The following LYPD4 variants were observed in gnomAD, a reference collection of about 807,000 sequenced individuals.
LYPD4 encodes the protein LY6/PLAUR domain containing 4.
In LYPD4, 20 loss-of-function variants were observed where a neutral mutation model predicts 18.2. That is an observed-to-expected ratio of 1.10 (90% CI 0.77 to 1.59). The LOEUF is 1.59. Among genes scored for constraint, LYPD4 ranks in the 40% most tolerant of loss-of-function variants. The pLI is 0.00. For synonymous variants in LYPD4, 111 were observed against 118.3 expected, an observed-to-expected ratio of 0.94 and a Z score of 0.40; for missense variants, 278 against 300.3, an observed-to-expected ratio of 0.93 and a Z score of 0.55.
chr19:41,836,737 A>G (rs1413689705), downstream of LYPD4, among the ~76,000 whole-genome samples: 5 of 151,682 alleles, frequency 3.3e-5, no homozygotes, highest in East Asian at 1.9e-4. Flanking sequence ...CCCATGTCAA[A>G]AAAAGGAAAA....
rs1183040654 is a variant in LYPD4, at chr19:41,838,046, G to A, written c.427C>T (p.Pro143Ser). Residue 143 changes from proline (P) to serine (S), a missense_variant, in exon 4 of 5, where the codon CCG becomes TCG. Physicochemically the swap from Pro to Ser is moderately conservative, Grantham distance 74 (BLOSUM62 -1). Transcript: ENST00000609812. ...KSITSASCSC[P>S]TCVGEHMKDC... ...TTCATGTGCTCGCCCACACAGGTCGGGCAGCTACAGGACGCAGATGTGATA... is the reference window on the plus strand; with the variant it reads ...TTCATGTGCTCGCCCACACAGGTCGAGCAGCTACAGGACGCAGATGTGATA... 6.8e-6 allele frequency: 11 copies of A among 1,614,156 alleles called. No homozygotes were observed. The highest frequency in any genetic ancestry group is 9.3e-6 in the Non-Finnish European group (11 of 1,180,022).
rs546743216 is a variant in LYPD4 at position 41,843,727 on chromosome 19, G to A, written c.-270C>T. On this transcript the variant is annotated 5_prime_UTR_variant, in exon 1 of 5. Coordinates refer to ENST00000609812, the MANE Select transcript of LYPD4 (RefSeq NM_173506.7). Reference sequence around the variant, plus strand: ...GAAAGGTGCCAAGACCCGCAGAAAAGCTGGGACACAGGAAAGAGAAACGAA... The same window carrying A: ...GAAAGGTGCCAAGACCCGCAGAAAAACTGGGACACAGGAAAGAGAAACGAA... The A allele has an allele frequency of 6.6e-6, 1 of 152,144 alleles. No homozygotes were observed. Among genetic ancestry groups the A allele is most frequent in the East Asian group, 1.9e-4 (1 of 5,182 alleles). The allele number at this position is 152,144 out of a possible 1,614,324, so 9.4% of individuals were successfully genotyped here. A position where few individuals can be genotyped will look rare whatever the true frequency, so the allele number is the denominator to read the frequency against.
At chr19:41,836,327 A>AAAAAAAAAAAAG (rs2073373758), downstream of LYPD4, among the ~76,000 whole-genome samples, 1 of 131,548 alleles carries the variant, frequency 7.6e-6, no homozygotes, top group African/African-American at 2.9e-5. Flanking sequence ...AAAAAAAAAA[A>AAAAAAAAAAAAG]CAACTACTGA....
downstream of LYPD4, among the ~76,000 whole-genome samples, chr19:41,836,737 A>T (rs1413689705): frequency 4.6e-5 from 7 of 151,682 alleles, no homozygotes; most frequent in Non-Finnish European, 8.8e-5. Flanking sequence ...CCCATGTCAA[A>T]AAAAGGAAAA....
At position 41,838,153 on chromosome 19, in the gene LYPD4, C is replaced by A. The variant is rs782449407; in HGVS notation, c.320G>T (p.Ser107Ile). The A allele has an allele frequency of 4.1e-5, 66 of 1,611,842 alleles. No homozygotes were observed. The highest frequency in any genetic ancestry group is 1.6e-4 in the Middle Eastern group (1 of 6,076). ...SPPGVSIASYSRVCRSYLCNN... is the reference protein window; with the variant it reads ...SPPGVSIASYIRVCRSYLCNN... ...GCAGAGATAAGACCGGCAGACGCGACTGTAGGAGGCAATGGACACTCCGGG... is the reference window on the plus strand; with the variant it reads ...GCAGAGATAAGACCGGCAGACGCGAATGTAGGAGGCAATGGACACTCCGGG... Residue 107 changes from serine to isoleucine, a missense_variant, in exon 4 of 5, where the codon AGT becomes ATT. Transcript: ENST00000609812.
At chr19:41,837,049 C>T, downstream of LYPD4, 1 of 1,568,264 alleles carries the variant, frequency 6.4e-7, no homozygotes, top group South Asian at 1.2e-5. Context: ...CACCCCTGCT[C>T]TCTCATGGAC....
chr19:41,839,472 G>T (rs2073502322), intron 1 of LYPD4, 67 bp from the exon 2 acceptor site: 1 of 611,766 alleles, frequency 1.6e-6, no homozygotes, highest in African/African-American at 1.8e-5. Context: ...TGGGTCACAG[G>T]TCTTCCCATC....
At chr19:41,835,910 G>T (rs760166638), downstream of LYPD4, 2 of 861,780 alleles carry the variant, frequency 2.3e-6, no homozygotes, top group Non-Finnish European at 2.8e-6. Flanking sequence ...TAAGGTTGTA[G>T]TAAGGATGAA....
Position 41,839,381 on chromosome 19 carries a change from TC to T in LYPD4, c.-97del. On this transcript the variant is annotated 5_prime_UTR_variant, in exon 2 of 5. Transcript: ENST00000609812. ...TTCCCATCAGTCCCCGAATTCTTTG[TC>T]CACCTGTCTCTGGGTCACTGTTTCT... 2 of 1,156,402 alleles carry T rather than the reference TC, an allele frequency of 1.7e-6. No individual in the cohort carries two copies. Among genetic ancestry groups the T allele is most frequent in the Non-Finnish European group, 2.6e-6 (2 of 771,720 alleles). The allele number at this position is 1,156,402 out of a possible 1,614,324, so 71.6% of individuals were successfully genotyped here. A position where few individuals can be genotyped will look rare whatever the true frequency, so the allele number is the denominator to read the frequency against.
At chr19:41,843,114 C>A (rs982832383) in intron 1 of LYPD4, among the ~76,000 whole-genome samples, 1 of 122,744 alleles carries the variant, frequency 8.1e-6, no homozygotes, top group Non-Finnish European at 1.6e-5. Context: ...TGGGAGAACA[C>A]ACACACAAAC....
At chr19:41,842,764 C>CAAAAAAAAAAAAAAAAAAAAAAAAA (rs782233081) in intron 1 of LYPD4, among the ~76,000 whole-genome samples, 1 of 49,766 alleles carries the variant, frequency 2.0e-5, no homozygotes, top group Non-Finnish European at 3.2e-5. Flanking sequence ...TCCGTCTAAA[C>CAAAAAAAAAAAAAAAAAAAAAAAAA]AAAAAAAAAA....
At chr19:41,843,458 C>CCA (rs1336865689) in intron 1 of LYPD4, 120 bp downstream of exon 1, 1 of 152,044 alleles carries the variant, frequency 6.6e-6, no homozygotes, top group Non-Finnish European at 1.5e-5. Context: ...TCCCTCCCTC[C>CCA]CACACACACT....
intron 1 of LYPD4, among the ~76,000 whole-genome samples, chr19:41,841,456 A>T (rs577137166): frequency 6.6e-5 from 10 of 152,162 alleles, no homozygotes; most frequent in African/African-American, 2.2e-4. Flanking sequence ...TCACAAGGTC[A>T]GGAGTTCGCG....
chr19:41,839,316 G>A lies in LYPD4; in HGVS notation c.-31C>T, dbSNP rs1283492385. The stretch of plus-strand genomic sequence containing the variant: ...TGTGTCTGGGTCCTGGGTGCTAGAG[G>A]TCAGTCTGGAATCAGTTTCAGTCTG... On this transcript the variant is annotated 5_prime_UTR_variant, in exon 2 of 5. Coordinates refer to ENST00000609812, the MANE Select transcript of LYPD4 (RefSeq NM_173506.7). 1.2e-6 allele frequency: 2 copies of A among 1,602,882 alleles called. No homozygotes were observed. Among genetic ancestry groups the A allele is most frequent in the East Asian group, 2.2e-5 (1 of 44,840 alleles).
At chr19:41,836,431 G>T (rs2073375603), downstream of LYPD4, among the ~76,000 whole-genome samples, 1 of 150,056 alleles carries the variant, frequency 6.7e-6, no homozygotes, top group African/African-American at 2.5e-5. Context: ...ATGCTACTTT[G>T]AGCAGGTTTC....
In LYPD4 at chr19:41,839,672, C is replaced by CT; in HGVS notation, c.-120-268_-120-267insA. The CT allele has an allele frequency of 2.5e-5, 4 of 157,220 alleles. No individual in the cohort carries two copies. The South Asian group carries it at 4.3e-4, about 17-fold the overall frequency. The allele number at this position is 157,220 out of a possible 1,614,324, so 9.7% of individuals were successfully genotyped here. On this transcript the variant is annotated intron_variant, in intron 1 of 4. Coordinates refer to ENST00000609812, the MANE Select transcript of LYPD4 (RefSeq NM_173506.7). ...GAGAAACAAATAGATGTTTCAAACT[C>CT]GTGTGTGTTGTGTGTGTGTGTGTGT...
intron 3 of LYPD4, 56 bp from the exon 4 acceptor site, chr19:41,838,317 T>C: frequency 1.4e-6 from 2 of 1,410,686 alleles, no homozygotes; most frequent in Non-Finnish European, 1.9e-6. Flanking sequence ...TCACCCAGAG[T>C]CCTCCCTCCC....
At chr19:41,843,098 A>G (rs1484728894) in intron 1 of LYPD4, among the ~76,000 whole-genome samples, 1 of 146,916 alleles carries the variant, frequency 6.8e-6, no homozygotes, top group African/African-American at 2.5e-5. Context: ...AACACTACAC[A>G]CATCCTGGGA....
At chr19:41,840,650 G>A (rs1254722856) in intron 1 of LYPD4, among the ~76,000 whole-genome samples, 1 of 151,772 alleles carries the variant, frequency 6.6e-6, no homozygotes, top group Non-Finnish European at 1.5e-5. Flanking sequence ...GGCTAACACG[G>A]TGAAACCCCA....
Sources: allele counts gnomAD v4.1 joint callset (sites outside exome capture counted in the v4.1 genomes callset), GRCh38; gene constraint gnomAD v4.1.1; transcripts MANE v1.5; gene names NCBI Gene and HGNC (gene_info 2026-07-23, HGNC 2026-07-21).